The following ST3GAL4 variants were observed in gnomAD, a reference collection of about 807,000 sequenced individuals.
ST3GAL4 encodes the protein ST3 beta-galactoside alpha-2,3-sialyltransferase 4.
Under a neutral mutation model 42.6 loss-of-function variants are expected in ST3GAL4, and 24 were observed. That is an observed-to-expected ratio of 0.56 (90% CI 0.41 to 0.79). The LOEUF is 0.79. Ranked by LOEUF, ST3GAL4 falls within the 30% of genes least tolerant of loss-of-function variation. The pLI, the probability that ST3GAL4 is intolerant of heterozygous loss-of-function variation, is 0.00. For synonymous variants in ST3GAL4, 135 were observed against 163.2 expected (o/e 0.83, Z 1.32); for missense variants, 311 against 430.8 (o/e 0.72, Z 2.46).
Position 126,373,276 on chromosome 11 carries a change from C to G in ST3GAL4, c.-61+17434C>G, listed in dbSNP as rs1026092525. On this transcript the variant is annotated intron_variant, in intron 1 of 10. Coordinates refer to ENST00000444328, the MANE Select transcript of ST3GAL4 (RefSeq NM_001254757.2). The surrounding 1 kb of genome is among the most constrained non-coding windows in gnomAD (Gnocchi z 5.5). ...GATGGGAGGTGGGGAGTGCAACTTC[C>G]CCAATTTTGCCTTTAACTTCAGATC... is the stretch of plus-strand genomic sequence containing the variant. Among the ~76,000 whole-genome samples, 2 of 152,114 alleles carry G rather than the reference C, an allele frequency of 1.3e-5. No homozygotes were observed. Among genetic ancestry groups the G allele is most frequent in the African/African-American group, 4.8e-5 (2 of 41,430 alleles).
At position 126,406,193 on chromosome 11, in the gene ST3GAL4, C is replaced by T; in HGVS notation, c.16+22C>T. 6.4e-7 allele frequency: 1 copy of T among 1,556,986 alleles called. No individual in the cohort carries two copies. Among genetic ancestry groups the T allele is most frequent in the Non-Finnish European group, 8.7e-7 (1 of 1,150,378 alleles). ...TCCCGTGAGTGTCATCCGAGGGCTC[C>T]CCCACCCTGGAGGACAGGCCTCAGA... On this transcript the variant is annotated intron_variant, in intron 2 of 10. Coordinates refer to ENST00000444328, the MANE Select transcript of ST3GAL4 (RefSeq NM_001254757.2). The surrounding 1 kb of genome is among the most constrained non-coding windows in gnomAD (Gnocchi z 5.4).
intron 1 of ST3GAL4, among the ~76,000 whole-genome samples, chr11:126,405,152 C>T (rs1049219523): frequency 6.6e-6 from 1 of 152,224 alleles, no homozygotes. Flanking sequence ...CTCTTCTGAT[C>T]CAGATCATCA....
At chr11:126,361,592 ACTTCCTCCCC>A (rs1291054780) in intron 1 of ST3GAL4, among the ~76,000 whole-genome samples, 19 of 151,840 alleles carry the variant, frequency 1.3e-4, no homozygotes, top group Admixed American at 1.2e-3. Flanking sequence ...CAGCACCGGC[ACTTCCTCCCC>A]CTTCCTCCCC....
In ST3GAL4 at chr11:126,359,676, C is replaced by G. The variant is rs1051123026; in HGVS notation, c.-61+3834C>G. Among the ~76,000 whole-genome samples the G allele has an allele frequency of 6.6e-6, 1 of 152,212 alleles. No individual in the cohort carries two copies. Among genetic ancestry groups the G allele is most frequent in the Non-Finnish European group, 1.5e-5 (1 of 68,054 alleles). On this transcript the variant is annotated intron_variant, in intron 1 of 10. Coordinates refer to ENST00000444328, the MANE Select transcript of ST3GAL4 (RefSeq NM_001254757.2). This position sits in a 1 kb window ranked among gnomAD's most constrained non-coding sequence, Gnocchi z 4.8. ...CCGGCCGGGCCGTACCCTGAGCACA[C>G]GCTTGTCCGCTTTCTCAGCTGGGCG...
intron 1 of ST3GAL4, among the ~76,000 whole-genome samples, chr11:126,401,214 C>A (rs953808859): frequency 4.6e-5 from 7 of 152,106 alleles, no homozygotes; most frequent in Admixed American, 1.3e-4. Context: ...GTGAACTTGT[C>A]CCCTGAAAAT....
At position 126,406,272 on chromosome 11, in the gene ST3GAL4, G is replaced by A. The variant is rs557768568; in HGVS notation, c.16+101G>A. 2 of 1,547,882 alleles carry A rather than the reference G, an allele frequency of 1.3e-6. No individual in the cohort carries two copies. The highest frequency in any genetic ancestry group is 2.7e-5 in the African/African-American group (2 of 72,986). ...CTGGGGGCTGTGGAGGGACAGACAG[G>A]GAGCCAGGGGCCCTTCTCTTCATCT... On this transcript the variant is annotated intron_variant, in intron 2 of 10. Transcript: ENST00000444328. This position sits in a 1 kb window ranked among gnomAD's most constrained non-coding sequence, Gnocchi z 5.4.
chr11:126,407,753 C>A, intron 6 of ST3GAL4, 119 bp downstream of exon 6: 1 of 1,109,148 alleles, frequency 9.0e-7, no homozygotes, highest in Non-Finnish European at 1.3e-6. Context: ...ACCATCCCAG[C>A]CAATTCTCAT....
chr11:126,407,204 C>G, intron 4 of ST3GAL4, 48 bp from the exon 5 acceptor site: 1 of 1,596,674 alleles, frequency 6.3e-7, no homozygotes, highest in Non-Finnish European at 8.6e-7. Flanking sequence ...CTTCTGGCAT[C>G]AAGATTAATT....
chr11:126,413,411 C>T lies in ST3GAL4; in HGVS notation c.772-94C>T, dbSNP rs115287421. 1,144 of 1,494,166 alleles carry T rather than the reference C, an allele frequency of 7.7e-4. 7 individuals are homozygous for T. The African/African-American group carries it at 0.013, about 17-fold the overall frequency. 92.6% of individuals were successfully genotyped at this position (1,494,166 alleles called of 1,614,324 possible). ...GGACAGCGCAGATGGAGAACGTTTC[C>T]GTGACTGCAGGAAGTTCCACTGCAG... is the stretch of plus-strand genomic sequence containing the variant. On this transcript the variant is annotated intron_variant, in intron 9 of 10. Coordinates refer to ENST00000444328, the MANE Select transcript of ST3GAL4 (RefSeq NM_001254757.2).
At position 126,414,173 on chromosome 11, in the gene ST3GAL4, C is replaced by G. The variant is rs1954645413; in HGVS notation, c.*126C>G. 1 of 901,696 alleles carries G rather than the reference C, an allele frequency of 1.1e-6. No individual in the cohort carries two copies. The highest frequency in any genetic ancestry group is 1.8e-6 in the Non-Finnish European group (1 of 555,770). The allele number at this position is 901,696 out of a possible 1,614,324, so 55.9% of individuals were successfully genotyped here. A position where few individuals can be genotyped will look rare whatever the true frequency, so the allele number is the denominator to read the frequency against. The stretch of plus-strand genomic sequence containing the variant: ...CTCACCCCCTCTTGGGGAGGGAGTT[C>G]TGGGCCTGGCCAGGTCTGAGATGAG... On this transcript the variant is annotated 3_prime_UTR_variant, in exon 11 of 11. Transcript: ENST00000444328.
At chr11:126,356,844 G>C (rs527831868) in intron 1 of ST3GAL4, among the ~76,000 whole-genome samples, 4 of 152,364 alleles carry the variant, frequency 2.6e-5, no homozygotes, top group South Asian at 4.1e-4. Flanking sequence ...CCTGGTACAG[G>C]CTGAGTTCTC....
rs1953613536 is a variant in ST3GAL4, at chr11:126,393,776, A to G, written c.-60-12320A>G. On this transcript the variant is annotated intron_variant, in intron 1 of 10. Coordinates refer to ENST00000444328, the MANE Select transcript of ST3GAL4 (RefSeq NM_001254757.2). This position sits in a 1 kb window ranked among gnomAD's most constrained non-coding sequence, Gnocchi z 5.9. ...AAAATAGAATGGGAGCCAGAAATAC[A>G]AGCCACATGTAATTTTAAATTACTT... Among the ~76,000 whole-genome samples the G allele has an allele frequency of 6.6e-6, 1 of 152,200 alleles. No individual in the cohort carries two copies. Among genetic ancestry groups the G allele is most frequent in the Non-Finnish European group, 1.5e-5 (1 of 68,048 alleles).
rs949379957 is a variant in ST3GAL4, at chr11:126,366,673, C to T, written c.-61+10831C>T. Reference sequence around the variant, plus strand: ...TAATGAGACTTCAGGTGTGGACCCTCGAACCCTCAGCTGCACAGGTCTGGA... The same window carrying T: ...TAATGAGACTTCAGGTGTGGACCCTTGAACCCTCAGCTGCACAGGTCTGGA... On this transcript the variant is annotated intron_variant, in intron 1 of 10. Coordinates refer to ENST00000444328, the MANE Select transcript of ST3GAL4 (RefSeq NM_001254757.2). This position sits in a 1 kb window ranked among gnomAD's most constrained non-coding sequence, Gnocchi z 4.2. Among the ~76,000 whole-genome samples the T allele has an allele frequency of 1.1e-4, 17 of 152,128 alleles. No homozygotes were observed. The highest frequency in any genetic ancestry group is 5.8e-4 in the East Asian group (3 of 5,194).
Position 126,411,180 on chromosome 11 carries a change from C to G in ST3GAL4, c.771+1769C>G, listed in dbSNP as rs1390300336. On this transcript the variant is annotated intron_variant, in intron 9 of 10. Transcript: ENST00000444328. This position sits in a 1 kb window ranked among gnomAD's most constrained non-coding sequence, Gnocchi z 6.3. ...TTTTTTTTTGAGATGGAGTCTTGCT[C>G]TGTCACCCAGGCTGGAGTGCAGTGG... 6.6e-6 allele frequency among the ~76,000 whole-genome samples: 1 copy of G among 151,500 alleles called. No homozygotes were observed. The highest frequency in any genetic ancestry group is 2.4e-5 in the African/African-American group (1 of 41,194).
chr11:126,400,142 T>A lies in ST3GAL4; in HGVS notation c.-60-5954T>A, dbSNP rs542803531. 3.3e-5 allele frequency among the ~76,000 whole-genome samples: 5 copies of A among 152,258 alleles called. No individual in the cohort carries two copies. The South Asian group carries it at 1.0e-3, about 32-fold the overall frequency. ...GCTGCTGTAACAGAATACCACAGAT[T>A]GAGTATATTATAATGAATAGAATTT... On this transcript the variant is annotated intron_variant, in intron 1 of 10. Coordinates refer to ENST00000444328, the MANE Select transcript of ST3GAL4 (RefSeq NM_001254757.2). The surrounding 1 kb of genome is among the most constrained non-coding windows in gnomAD (Gnocchi z 4.6).
At chr11:126,395,219 C>T (rs1447575980) in intron 1 of ST3GAL4, among the ~76,000 whole-genome samples, 1 of 152,134 alleles carries the variant, frequency 6.6e-6, no homozygotes, top group African/African-American at 2.4e-5. Flanking sequence ...TAATTCAACA[C>T]GTTTGTATTG....
chr11:126,408,301 C>T lies in ST3GAL4; in HGVS notation c.438-6C>T, dbSNP rs201800629. The T allele has an allele frequency of 2.5e-6, 4 of 1,613,776 alleles. No individual in the cohort carries two copies. Among genetic ancestry groups the T allele is most frequent in the Non-Finnish European group, 3.4e-6 (4 of 1,179,692 alleles). On this transcript the variant is annotated splice_region_variant and splice_polypyrimidine_tract_variant and intron_variant, in intron 7 of 10. Coordinates refer to ENST00000444328, the MANE Select transcript of ST3GAL4 (RefSeq NM_001254757.2). ...TAGTGATGGGAATCCTCCTCCCAAC[C>T]CCCAGATTGAACAATGCCCCAGTGG...
Position 126,397,826 on chromosome 11 carries a change from C to T in ST3GAL4, c.-60-8270C>T, listed in dbSNP as rs1953842684. On this transcript the variant is annotated intron_variant, in intron 1 of 10. Coordinates refer to ENST00000444328, the MANE Select transcript of ST3GAL4 (RefSeq NM_001254757.2). This position sits in a 1 kb window ranked among gnomAD's most constrained non-coding sequence, Gnocchi z 5.0. ...CCTAATTGTCCTTTTATAAGGAACC[C>T]ACTCCTGTAATAATGGCATTAAACC... Among the ~76,000 whole-genome samples, 1 of 152,086 alleles carries T rather than the reference C, an allele frequency of 6.6e-6. No homozygotes were observed. The highest frequency in any genetic ancestry group is 2.4e-5 in the African/African-American group (1 of 41,410).
intron 1 of ST3GAL4, among the ~76,000 whole-genome samples, chr11:126,377,779 A>G (rs1476919504): frequency 6.6e-6 from 1 of 152,212 alleles, no homozygotes; most frequent in Non-Finnish European, 1.5e-5. Context: ...TCGGCCAGCA[A>G]CACCTTTCTA....
Sources: allele counts gnomAD v4.1 joint callset (sites outside exome capture counted in the v4.1 genomes callset), GRCh38; gene constraint gnomAD v4.1.1; non-coding constraint Gnocchi (gnomAD v3.1); transcripts MANE v1.5; gene names NCBI Gene and HGNC (gene_info 2026-07-23, HGNC 2026-07-21).